Variants in RB1CC1 observed in about 807,000 individuals in gnomAD.
The protein encoded by RB1CC1 is RB1-inducible coiled-coil protein 1.
Under a neutral mutation model 177.5 loss-of-function variants are expected in RB1CC1, and 46 were observed. The observed-to-expected ratio is 0.26, with a 90% CI of 0.20 to 0.33. The LOEUF (loss-of-function observed/expected upper bound fraction) is 0.33. Among genes scored for constraint, RB1CC1 ranks in the 10% least tolerant of loss-of-function variants. The pLI is 1.00. For synonymous variants in RB1CC1, 666 were observed against 613.6 expected, an observed-to-expected ratio of 1.09 and a Z score of -1.26; for missense variants, 1,703 against 1,816.3, an observed-to-expected ratio of 0.94 and a Z score of 1.13.
intron 12 of RB1CC1, among the ~76,000 whole-genome samples, 157 bp downstream of exon 12, chr8:52,660,439 G>A (rs943552356): frequency 1.5e-4 from 23 of 152,264 alleles, no homozygotes; most frequent in Non-Finnish European, 2.8e-4. Context: ...CAATCTTAAA[G>A]CTTTATGCTA....
intron 12 of RB1CC1, among the ~76,000 whole-genome samples, chr8:52,660,326 C>A (rs1003368134): frequency 1.3e-5 from 2 of 151,858 alleles, no homozygotes; most frequent in African/African-American, 4.8e-5. Flanking sequence ...GACAAGAAAA[C>A]AAAAAAACCA....
At chr8:52,637,503 C>G (rs764646640) in intron 18 of RB1CC1, among the ~76,000 whole-genome samples, 71 of 151,990 alleles carry the variant, frequency 4.7e-4, no homozygotes, top group Non-Finnish European at 8.5e-4. Flanking sequence ...ACAGCCAGCT[C>G]CAATTGATTT....
At chr8:52,628,548 C>T (rs1848548355) in intron 21 of RB1CC1, among the ~76,000 whole-genome samples, 1 of 152,152 alleles carries the variant, frequency 6.6e-6, no homozygotes, top group Admixed American at 6.5e-5. Flanking sequence ...TATACAGTCA[C>T]AGTGTCAAAG....
rs528823678 is a variant in RB1CC1, at chr8:52,709,369, C to T, written c.-167+4706G>A. Among the ~76,000 whole-genome samples the T allele has an allele frequency of 3.3e-5, 5 of 152,274 alleles. No individual in the cohort carries two copies. In the South Asian group the frequency reaches 1.0e-3, roughly 32 times the overall value. Reference sequence around the variant, plus strand: ...ATCCAACTTATCAAGTGGAGATTTACAATTTTCTCGAGAGATTATCATGAT... The same window carrying T: ...ATCCAACTTATCAAGTGGAGATTTATAATTTTCTCGAGAGATTATCATGAT... On this transcript the variant is annotated intron_variant, in intron 1 of 23. Coordinates refer to ENST00000025008, the MANE Select transcript of RB1CC1 (RefSeq NM_014781.5).
chr8:52,645,728 G>A lies in RB1CC1; in HGVS notation c.3961C>T (p.Arg1321Ter). ...TGTTGTTCCGCAATCAAAGATGTTC[G>A]AACATTTTGCATTTCTTCATTCTTT... ...KRKNEEMQNV[R>*]TSLIAEQQTN... Residue 1321 changes from arginine to a stop codon, truncating the protein, a stop_gained, in exon 16 of 24, where the codon CGA (arginine) becomes TGA (stop). Coordinates refer to ENST00000025008, the MANE Select transcript of RB1CC1 (RefSeq NM_014781.5). LOFTEE classifies it high-confidence loss of function. 1 of 1,612,720 alleles carries A rather than the reference G, an allele frequency of 6.2e-7. No homozygotes were observed. The highest frequency in any genetic ancestry group is 8.5e-7 in the Non-Finnish European group (1 of 1,179,520).
chr8:52,675,826 G>A (rs189034879), intron 6 of RB1CC1, among the ~76,000 whole-genome samples: 4 of 150,338 alleles, frequency 2.7e-5, no homozygotes, highest in African/African-American at 4.9e-5. Context: ...GGTGGAGGTT[G>A]CAGTGAGCTG....
chr8:52,710,687 A>T (rs1856987552), intron 1 of RB1CC1, among the ~76,000 whole-genome samples: 2 of 152,182 alleles, frequency 1.3e-5, no homozygotes, highest in Non-Finnish European at 2.9e-5. Flanking sequence ...TTTATAACGG[A>T]AACTAACAGT....
intron 1 of RB1CC1, among the ~76,000 whole-genome samples, chr8:52,697,451 G>A (rs1031730594): frequency 4.6e-5 from 7 of 152,060 alleles, no homozygotes; most frequent in African/African-American, 9.7e-5. Context: ...ATCTAAATAC[G>A]GACAGGGTAT....
chr8:52,683,463 T>C (rs1299279188), intron 5 of RB1CC1, 86 bp downstream of exon 5: 3 of 1,193,360 alleles, frequency 2.5e-6, no homozygotes, highest in Non-Finnish European at 2.2e-6. Context: ...ACTTTTTGCA[T>C]ACTTCCTATG....
At chr8:52,695,703 A>G (rs1199359937) in intron 1 of RB1CC1, among the ~76,000 whole-genome samples, 1 of 152,206 alleles carries the variant, frequency 6.6e-6, no homozygotes, top group Admixed American at 6.5e-5. Flanking sequence ...AGAAGGTAAC[A>G]CTGTCTATGA....
rs1177256202 is a variant in RB1CC1, at chr8:52,677,739, T to C, written c.370-1168A>G. ...TAGGAATGTCAGTAAAATGATTATG[T>C]GCCATGTCAATTAATGTCAATTAAT... is the stretch of plus-strand genomic sequence containing the variant. On this transcript the variant is annotated intron_variant, in intron 5 of 23. Coordinates refer to ENST00000025008, the MANE Select transcript of RB1CC1 (RefSeq NM_014781.5). Among the ~76,000 whole-genome samples the C allele has an allele frequency of 3.9e-5, 6 of 152,180 alleles. No individual in the cohort carries two copies. The East Asian group carries it at 1.2e-3, about 29-fold the overall frequency.
intron 8 of RB1CC1, among the ~76,000 whole-genome samples, chr8:52,666,575 GGAACAGGCAATACAGT>G (rs1289131660): frequency 6.6e-6 from 1 of 151,706 alleles, no homozygotes; most frequent in Non-Finnish European, 1.5e-5. Context: ...CAGACACACA[GGAACAGGCAATACAGT>G]GAACAGATAC....
At chr8:52,645,957 A>T in intron 15 of RB1CC1, 90 bp from the exon 16 acceptor site, 1 of 1,237,574 alleles carries the variant, frequency 8.1e-7, no homozygotes, top group Non-Finnish European at 1.1e-6. Context: ...TATCTTCCTT[A>T]AGCTCAATAA....
chr8:52,688,583 C>T (rs550260483), intron 1 of RB1CC1, among the ~76,000 whole-genome samples: 2 of 152,178 alleles, frequency 1.3e-5, no homozygotes, highest in Non-Finnish European at 2.9e-5. Context: ...GTAATACATG[C>T]ATGGCTGAAC....
At chr8:52,643,510 G>A (rs1849748518) in intron 16 of RB1CC1, among the ~76,000 whole-genome samples, 1 of 151,112 alleles carries the variant, frequency 6.6e-6, no homozygotes. Flanking sequence ...AGACCAGCCT[G>A]AGCAACACAA....
intron 5 of RB1CC1, among the ~76,000 whole-genome samples, chr8:52,679,580 T>C (rs574694930): frequency 1.1e-3 from 170 of 152,274 alleles, no homozygotes; most frequent in African/African-American, 4.0e-3. Flanking sequence ...CTCCCTAAAA[T>C]GTATAAAAGC....
chr8:52,653,585 G>C (rs955842933), intron 15 of RB1CC1, among the ~76,000 whole-genome samples: 6 of 152,162 alleles, frequency 3.9e-5, no homozygotes, highest in African/African-American at 1.2e-4. Flanking sequence ...AGACTGAAGT[G>C]ACTGTGGTCC....
intron 1 of RB1CC1, among the ~76,000 whole-genome samples, chr8:52,700,041 A>G (rs1855907603): frequency 1.3e-5 from 2 of 151,662 alleles, no homozygotes; most frequent in Middle Eastern, 3.2e-3. Flanking sequence ...CCTATACAAG[A>G]GCTATGTGCA....
intron 8 of RB1CC1, among the ~76,000 whole-genome samples, chr8:52,662,355 G>C (rs1591011792): frequency 6.6e-6 from 1 of 151,948 alleles, no homozygotes; most frequent in South Asian, 2.1e-4. Context: ...TAGGTGAACG[G>C]TGTATCTGTC....
Sources: allele counts gnomAD v4.1 joint callset (sites outside exome capture counted in the v4.1 genomes callset), GRCh38; gene constraint gnomAD v4.1.1; transcripts MANE v1.5; gene names NCBI Gene and HGNC (gene_info 2026-07-23, HGNC 2026-07-21).